SNCAIP: variants seen among roughly 807,000 people sequenced by gnomAD.
SNCAIP encodes synphilin-1.
In SNCAIP, 43 loss-of-function variants were observed where a neutral mutation model predicts 86.7. That is an observed-to-expected ratio of 0.50 (90% CI 0.39 to 0.64). SNCAIP has a LOEUF of 0.64. Among genes scored for constraint, SNCAIP ranks in the 30% least tolerant of loss-of-function variants. The pLI is 0.00. For missense variants in SNCAIP, 981 were observed against 1,103.1 expected (o/e 0.89, Z 1.57); for synonymous variants, 417 against 427.2 (o/e 0.98, Z 0.29).
intron 1 of SNCAIP, among the ~76,000 whole-genome samples, chr5:122,353,785 C>G (rs1350002512): frequency 1.3e-5 from 2 of 152,126 alleles, no homozygotes; most frequent in Non-Finnish European, 2.9e-5. Flanking sequence ...CATTAAACCT[C>G]TTTTTCTTCC....
chr5:122,406,289 CA>C (rs1445052071), intron 3 of SNCAIP, among the ~76,000 whole-genome samples: 1 of 152,166 alleles, frequency 6.6e-6, no homozygotes, highest in Non-Finnish European at 1.5e-5. Flanking sequence ...TCTTGTAAAT[CA>C]GCCACATAGA....
At chr5:122,358,157 C>A (rs972044789) in intron 1 of SNCAIP, among the ~76,000 whole-genome samples, 1 of 117,298 alleles carries the variant, frequency 8.5e-6, no homozygotes. Context: ...AAATTTGTTT[C>A]TTTGTGTGTG....
At chr5:122,316,668 A>G (rs148721760) in intron 1 of SNCAIP, among the ~76,000 whole-genome samples, 1 of 152,336 alleles carries the variant, frequency 6.6e-6, no homozygotes, top group East Asian at 1.9e-4. Flanking sequence ...GTCTGGCACA[A>G]TGCCTCATCC....
chr5:122,342,488 A>G (rs1757788544), intron 1 of SNCAIP, among the ~76,000 whole-genome samples: 2 of 152,176 alleles, frequency 1.3e-5, no homozygotes, highest in Admixed American at 6.6e-5. Flanking sequence ...TTCCATCCAC[A>G]TGCCACTTAA....
Position 122,352,136 on chromosome 5 carries a change from C to G in SNCAIP, c.-46-38953C>G, listed in dbSNP as rs542588528. 4.6e-5 allele frequency among the ~76,000 whole-genome samples: 7 copies of G among 152,196 alleles called. No homozygotes were observed. In the South Asian group the frequency reaches 1.2e-3, roughly 27 times the overall value. The stretch of plus-strand genomic sequence containing the variant: ...AGTTACTTATCTTTTTGTTTCTGCT[C>G]CCCTTATCAGATGTCACCCAGACAC... On this transcript the variant is annotated intron_variant, in intron 1 of 10. Transcript: ENST00000261368.
chr5:122,440,916 C>A, intron 7 of SNCAIP, 162 bp downstream of exon 7: 1 of 707,828 alleles, frequency 1.4e-6, no homozygotes, highest in Non-Finnish European at 2.4e-6. Flanking sequence ...GAAATCCACA[C>A]AAATGTAGGT....
intron 1 of SNCAIP, among the ~76,000 whole-genome samples, chr5:122,318,561 A>G (rs967339690): frequency 6.6e-6 from 1 of 152,074 alleles, no homozygotes; most frequent in African/African-American, 2.4e-5. Flanking sequence ...TTCATCTTTC[A>G]TTTTTTCAGG....
At chr5:122,328,677 A>G (rs1754627081) in intron 1 of SNCAIP, among the ~76,000 whole-genome samples, 3 of 152,138 alleles carry the variant, frequency 2.0e-5, no homozygotes, top group Non-Finnish European at 4.4e-5. Flanking sequence ...CCGTTAACAC[A>G]TTGATCTTTC....
At chr5:122,404,002 C>G in intron 3 of SNCAIP, 137 bp downstream of exon 3, 1 of 705,066 alleles carries the variant, frequency 1.4e-6, no homozygotes, top group South Asian at 1.5e-5. Context: ...ACACCACCCC[C>G]CACCTCATGC....
At chr5:122,342,063 A>AT (rs985329821) in intron 1 of SNCAIP, among the ~76,000 whole-genome samples, 3 of 152,128 alleles carry the variant, frequency 2.0e-5, no homozygotes, top group African/African-American at 7.2e-5. Context: ...ACACACAAGG[A>AT]TTTTTTCGAT....
At chr5:122,452,197 G>T (rs566910889) in intron 10 of SNCAIP, among the ~76,000 whole-genome samples, 2 of 152,322 alleles carry the variant, frequency 1.3e-5, no homozygotes, top group South Asian at 4.1e-4. Flanking sequence ...GTCCACAGGG[G>T]ATGGCAGAGT....
chr5:122,365,227 A>G (rs866858932), intron 1 of SNCAIP, among the ~76,000 whole-genome samples: 2 of 152,104 alleles, frequency 1.3e-5, no homozygotes, highest in Admixed American at 1.3e-4. Context: ...ATCGTGACCA[A>G]TTTTATGATA....
At chr5:122,433,336 G>C (rs765858885) in intron 6 of SNCAIP, among the ~76,000 whole-genome samples, 15 of 152,090 alleles carry the variant, frequency 9.9e-5, no homozygotes, top group Non-Finnish European at 4.4e-5. Context: ...TGAAGAAAGA[G>C]AGTTACATGA....
intron 7 of SNCAIP, 135 bp from the exon 8 acceptor site, chr5:122,444,428 G>C: frequency 1.3e-6 from 1 of 793,904 alleles, no homozygotes; most frequent in Non-Finnish European, 2.2e-6. Context: ...CATAGACTCT[G>C]AAGGGAGGTG....
At chr5:122,319,439 T>C (rs1254261895) in intron 1 of SNCAIP, among the ~76,000 whole-genome samples, 1 of 152,186 alleles carries the variant, frequency 6.6e-6, no homozygotes, top group African/African-American at 2.4e-5. Flanking sequence ...AGCTTGGTTT[T>C]GAGAGTCATT....
At chr5:122,357,494 A>G (rs1276485954) in intron 1 of SNCAIP, among the ~76,000 whole-genome samples, 1 of 152,050 alleles carries the variant, frequency 6.6e-6, no homozygotes, top group African/African-American at 2.4e-5. Context: ...TCAGACTCCC[A>G]AAGTGCTGAG....
intron 8 of SNCAIP, among the ~76,000 whole-genome samples, chr5:122,449,120 A>T (rs1216128728): frequency 6.6e-6 from 1 of 152,198 alleles, no homozygotes; most frequent in African/African-American, 2.4e-5. Flanking sequence ...TGCATTTAAT[A>T]CACCTAACCT....
upstream of SNCAIP, chr5:122,312,185 C>T (rs1580685782): frequency 2.6e-5 from 4 of 151,582 alleles, no homozygotes; most frequent in South Asian, 6.2e-4. Flanking sequence ...CACCGCCCGC[C>T]TACTTCGGCT....
chr5:122,383,395 C>G (rs906281652), intron 1 of SNCAIP: 1 of 153,248 alleles, frequency 6.5e-6, no homozygotes, highest in Non-Finnish European at 1.5e-5. Context: ...CACCCTGCTT[C>G]GGCTTGCGCA....
Sources: allele counts gnomAD v4.1 joint callset (sites outside exome capture counted in the v4.1 genomes callset), GRCh38; gene constraint gnomAD v4.1.1; transcripts MANE v1.5; gene names NCBI Gene and HGNC (gene_info 2026-07-23, HGNC 2026-07-21).